The following SIRPG variants were observed in gnomAD, a reference collection of about 807,000 sequenced individuals.
The protein encoded by SIRPG is signal regulatory protein gamma.
Under a neutral mutation model 35.7 loss-of-function variants are expected in SIRPG, and 38 were observed. The observed-to-expected ratio is 1.06, with a 90% CI of 0.82 to 1.40. SIRPG has a LOEUF of 1.40. Ranked by LOEUF, SIRPG falls within the 40% of genes most tolerant of loss-of-function variation. SIRPG has a pLI of 0.00. For synonymous variants in SIRPG, 215 were observed against 190.4 expected, an observed-to-expected ratio of 1.13 and a Z score of -1.06; for missense variants, 519 against 483.0, an observed-to-expected ratio of 1.07 and a Z score of -0.70.
chr20:1,639,000 T>A (rs2091828242), intron 2 of SIRPG, among the ~76,000 whole-genome samples: 1 of 152,210 alleles, frequency 6.6e-6, no homozygotes. Context: ...TGTACCACCT[T>A]TTCTTTGTCC....
chr20:1,671,268 G>C, the SIRPG span: 2 of 188,714 alleles, frequency 1.1e-5, no homozygotes, highest in African/African-American at 4.8e-5. Context: ...TGTGTGACAT[G>C]TTAAGAACCT....
chr20:1,635,679 AC>A, intron 3 of SIRPG, 80 bp from the exon 4 acceptor site: 1 of 1,437,050 alleles, frequency 7.0e-7, no homozygotes, highest in South Asian at 1.2e-5. Context: ...AACTCCCACT[AC>A]CACGGTGAGG....
At chr20:1,683,468 A>T in the SIRPG span, among the ~76,000 whole-genome samples, 10 of 152,348 alleles carry the variant, frequency 6.6e-5, no homozygotes, top group East Asian at 1.9e-3. Context: ...AGCATTATTT[A>T]CAGTAGCAAA....
chr20:1,656,567 T>C lies in SIRPG; in HGVS notation c.73+1075A>G, dbSNP rs6514624. Reference sequence around the variant, plus strand: ...GGCCCAGTGGGCAACTGAGAGGCTATTGTGCCCAGCCCTGTGACCGGGGGT... The same window carrying C: ...GGCCCAGTGGGCAACTGAGAGGCTACTGTGCCCAGCCCTGTGACCGGGGGT... On this transcript the variant is annotated intron_variant, in intron 1 of 5. Transcript: ENST00000303415. Among the ~76,000 whole-genome samples the C allele has an allele frequency of 7.3e-3, 1,113 of 152,296 alleles. 14 individuals are homozygous for C. The highest frequency in any genetic ancestry group is 0.026 in the African/African-American group (1,075 of 41,552).
the SIRPG span, among the ~76,000 whole-genome samples, chr20:1,683,442 C>A: frequency 6.6e-6 from 1 of 152,196 alleles, no homozygotes; most frequent in Non-Finnish European, 1.5e-5. Context: ...GCGATATCTG[C>A]ACCCATATCC....
At chr20:1,672,777 T>C in the SIRPG span, among the ~76,000 whole-genome samples, 2 of 152,074 alleles carry the variant, frequency 1.3e-5, no homozygotes, top group Admixed American at 1.3e-4. Flanking sequence ...CAGGCCTAAT[T>C]TGTGCCAAGT....
At chr20:1,651,094 T>C (rs2091937408) in intron 1 of SIRPG, 1 of 152,226 alleles carries the variant, frequency 6.6e-6, no homozygotes, top group South Asian at 2.1e-4. Flanking sequence ...CCACAAAGGC[T>C]TGCTTACAGG....
At chr20:1,685,475 G>A in the SIRPG span, among the ~76,000 whole-genome samples, 22 of 152,112 alleles carry the variant, frequency 1.4e-4, no homozygotes, top group African/African-American at 5.3e-4. Context: ...ACACAGAGCA[G>A]AGACGGCCAT....
chr20:1,647,695 G>T (rs2091907860), intron 2 of SIRPG: 1 of 152,192 alleles, frequency 6.6e-6, no homozygotes, highest in Non-Finnish European at 1.5e-5. Flanking sequence ...CCATAAATTG[G>T]AGTGTTCTGC....
At chr20:1,685,093 C>G in the SIRPG span, among the ~76,000 whole-genome samples, 1 of 152,182 alleles carries the variant, frequency 6.6e-6, no homozygotes, top group Non-Finnish European at 1.5e-5. Context: ...GGTCAGCTCC[C>G]TGGCCTGAGT....
chr20:1,680,004 T>C, the SIRPG span, among the ~76,000 whole-genome samples: 11 of 152,332 alleles, frequency 7.2e-5, no homozygotes, highest in African/African-American at 2.2e-4. Flanking sequence ...TGACATTACA[T>C]TGATAACAAC....
intron 4 of SIRPG, 88 bp downstream of exon 4, chr20:1,635,179 A>G: frequency 2.8e-6 from 3 of 1,086,526 alleles, no homozygotes; most frequent in Non-Finnish European, 3.9e-6. Context: ...TTGTATTTAT[A>G]GACTTCTAGC....
the SIRPG span, among the ~76,000 whole-genome samples, chr20:1,679,382 C>T: frequency 6.6e-6 from 1 of 152,152 alleles, no homozygotes; most frequent in African/African-American, 2.4e-5. Flanking sequence ...AAAGCTGGTC[C>T]CTGCCACAAT....
intron 2 of SIRPG, among the ~76,000 whole-genome samples, chr20:1,640,118 C>T (rs1445615483): frequency 2.0e-5 from 3 of 151,802 alleles, no homozygotes; most frequent in African/African-American, 7.3e-5. Flanking sequence ...TTTTTTGGTT[C>T]AATATAAAAT....
intron 1 of SIRPG, among the ~76,000 whole-genome samples, chr20:1,651,550 C>T (rs2091940207): frequency 6.6e-6 from 1 of 152,044 alleles, no homozygotes; most frequent in African/African-American, 2.4e-5. Context: ...TTCTCATGAC[C>T]AGGTTAGAGT....
intron 3 of SIRPG, among the ~76,000 whole-genome samples, 189 bp from the exon 4 acceptor site, chr20:1,635,788 A>T (rs1235940855): frequency 6.6e-6 from 1 of 152,230 alleles, no homozygotes; most frequent in East Asian, 1.9e-4. Flanking sequence ...CCTGGTGCAC[A>T]GTAGGTGCTC....
the SIRPG span, chr20:1,665,319 A>G: frequency 5.9e-6 from 1 of 169,284 alleles, no homozygotes; most frequent in Non-Finnish European, 1.3e-5. Flanking sequence ...GATGGCAGAG[A>G]CATCAACCCC....
intron 2 of SIRPG, among the ~76,000 whole-genome samples, chr20:1,641,040 T>A (rs4813187): frequency 0.14 from 21,716 of 152,156 alleles, 1,719 homozygotes; most frequent in Non-Finnish European, 0.16. Flanking sequence ...TTCACTTTGA[T>A]GTTTATCAGG....
upstream of SIRPG, among the ~76,000 whole-genome samples, chr20:1,661,270 A>G (rs1369053335): frequency 1.3e-5 from 2 of 152,166 alleles, no homozygotes; most frequent in African/African-American, 2.4e-5. Context: ...GCCCAGCCCT[A>G]GAATCATGGA....
Sources: allele counts gnomAD v4.1 joint callset (sites outside exome capture counted in the v4.1 genomes callset), GRCh38; gene constraint gnomAD v4.1.1; transcripts MANE v1.5; gene names NCBI Gene and HGNC (gene_info 2026-07-23, HGNC 2026-07-21).